Variants in POU6F2 observed in about 807,000 individuals in gnomAD.
POU6F2 encodes POU class 6 homeobox 2.
A neutral mutation model predicts 71.3 loss-of-function variants in POU6F2; 31 were observed. The ratio of observed to expected loss-of-function variants is 0.43; its 90% confidence interval spans 0.33 to 0.59. POU6F2 has a LOEUF of 0.59. Ranked by LOEUF, POU6F2 falls within the 20% of genes least tolerant of loss-of-function variation. The pLI is 0.04. For missense variants in POU6F2, 783 were observed against 856.8 expected (o/e 0.91, Z 1.07); for synonymous variants, 347 against 355.7 (o/e 0.98, Z 0.27).
chr7:39,202,545 C>G (rs1793925935), intron 2 of POU6F2, among the ~76,000 whole-genome samples: 2 of 152,248 alleles, frequency 1.3e-5, no homozygotes, highest in South Asian at 4.1e-4. Flanking sequence ...CTCATAAGCT[C>G]TTTGAAGTAC....
rs1789049477 is a variant in POU6F2 at position 39,465,475 on chromosome 7, G to A, written c.*789G>A. The A allele has an allele frequency of 1.3e-5, 2 of 152,172 alleles. No individual in the cohort carries two copies. Among genetic ancestry groups the A allele is most frequent in the Non-Finnish European group, 2.9e-5 (2 of 68,022 alleles). 9.4% of individuals were successfully genotyped at this position (152,172 alleles called of 1,614,324 possible). ...TTCTTTTTGACGGGAGGGCATCCTG[G>A]ATCGTGTGCCAAAGCATTTGTTGCT... On this transcript the variant is annotated 3_prime_UTR_variant, in exon 10 of 10. Transcript: ENST00000518318.
At chr7:39,388,508 G>T (rs1167170039) in intron 5 of POU6F2, among the ~76,000 whole-genome samples, 39 of 152,266 alleles carry the variant, frequency 2.6e-4, no homozygotes, top group Middle Eastern at 3.4e-3. Context: ...TAGAGACAGG[G>T]TTTCACCACG....
At chr7:39,362,902 C>T (rs1296718442) in intron 5 of POU6F2, among the ~76,000 whole-genome samples, 1 of 152,004 alleles carries the variant, frequency 6.6e-6, no homozygotes, top group Non-Finnish European at 1.5e-5. Context: ...CCAGGAAGCA[C>T]AAGAAAGGCC....
At chr7:39,017,810 A>ATG (rs1323369998) in intron 1 of POU6F2, among the ~76,000 whole-genome samples, 4 of 49,994 alleles carry the variant, frequency 8.0e-5, no homozygotes, top group African/African-American at 1.4e-4. Flanking sequence ...CAGATTGTGC[A>ATG]TGCGTGTGTG....
chr7:39,294,887 A>G (rs111838907), intron 4 of POU6F2, among the ~76,000 whole-genome samples: 42 of 152,290 alleles, frequency 2.8e-4, no homozygotes, highest in African/African-American at 9.4e-4. Context: ...AGCCCACAAC[A>G]TGAGAACATT....
intron 1 of POU6F2, among the ~76,000 whole-genome samples, chr7:38,988,673 C>T (rs372181732): frequency 7.2e-5 from 11 of 152,070 alleles, no homozygotes; most frequent in African/African-American, 1.9e-4. Context: ...TTAATCCTCA[C>T]GCCAGGTCTG....
intron 2 of POU6F2, among the ~76,000 whole-genome samples, chr7:39,201,530 G>A (rs947092437): frequency 6.6e-6 from 1 of 152,202 alleles, no homozygotes; most frequent in African/African-American, 2.4e-5. Flanking sequence ...AGCATAAAGT[G>A]ATGAACCAGC....
intron 1 of POU6F2, among the ~76,000 whole-genome samples, chr7:38,988,949 T>G (rs1011609516): frequency 2.6e-5 from 4 of 152,162 alleles, no homozygotes; most frequent in Non-Finnish European, 4.4e-5. Flanking sequence ...CCTCCTTCCT[T>G]TCCTCTTTTT....
At chr7:39,003,682 G>C (rs1788978654) in intron 1 of POU6F2, among the ~76,000 whole-genome samples, 1 of 151,636 alleles carries the variant, frequency 6.6e-6, no homozygotes. Context: ...CTGGGAGGCA[G>C]AGCTTGCAGT....
intron 4 of POU6F2, among the ~76,000 whole-genome samples, chr7:39,293,423 T>A (rs776452914): frequency 5.4e-4 from 83 of 152,344 alleles, no homozygotes; most frequent in Middle Eastern, 3.4e-3. Context: ...TGTAGTTATC[T>A]GCAGTCTATT....
intron 6 of POU6F2, among the ~76,000 whole-genome samples, chr7:39,424,559 A>G (rs139054258): frequency 7.3e-4 from 111 of 152,320 alleles, no homozygotes; most frequent in African/African-American, 2.5e-3. Flanking sequence ...CTGCCCACCA[A>G]TCACTCCAGG....
chr7:39,099,290 A>G (rs1791521385), intron 2 of POU6F2, among the ~76,000 whole-genome samples: 1 of 151,538 alleles, frequency 6.6e-6, no homozygotes, highest in South Asian at 2.1e-4. Context: ...GGGCGGCAGC[A>G]AATGCCTTTC....
chr7:39,111,444 C>G (rs544474215), intron 2 of POU6F2, among the ~76,000 whole-genome samples: 1 of 152,076 alleles, frequency 6.6e-6, no homozygotes, highest in Non-Finnish European at 1.5e-5. Flanking sequence ...AAAATATGAC[C>G]TTTTAGTTAT....
chr7:39,363,614 T>A (rs758467265), intron 5 of POU6F2, among the ~76,000 whole-genome samples: 2 of 149,320 alleles, frequency 1.3e-5, no homozygotes, highest in Non-Finnish European at 3.0e-5. Context: ...GCACCCCAAC[T>A]TTAAGGATTT....
chr7:39,279,827 A>T (rs763638576), intron 4 of POU6F2, among the ~76,000 whole-genome samples: 1 of 151,772 alleles, frequency 6.6e-6, no homozygotes, highest in Non-Finnish European at 1.5e-5. Flanking sequence ...GCTTCCTGCA[A>T]CCTCCACCTC....
intron 4 of POU6F2, among the ~76,000 whole-genome samples, chr7:39,238,891 G>A (rs938899266): frequency 5.9e-5 from 9 of 152,108 alleles, no homozygotes; most frequent in African/African-American, 1.4e-4. Context: ...ACACAGAAAC[G>A]TGGGACCAGC....
Position 39,464,749 on chromosome 7 carries a change from C to CACA in POU6F2, c.*80_*82dup. On this transcript the variant is annotated 3_prime_UTR_variant, in exon 10 of 10. Transcript: ENST00000518318. The surrounding 1 kb of genome is among the most constrained non-coding windows in gnomAD (Gnocchi z 4.1). ...AAACTAAACTCCACCCTTGGGACTCCACAACAACAACAACAACAAAATTTA... is the reference window on the plus strand; with the variant it reads ...AAACTAAACTCCACCCTTGGGACTCCACAACAACAACAACAACAACAAAATTTA... 8 of 1,461,346 alleles carry CACA rather than the reference C, an allele frequency of 5.5e-6. No individual in the cohort carries two copies. Among genetic ancestry groups the CACA allele is most frequent in the South Asian group, 1.3e-5 (1 of 75,078 alleles). 90.5% of individuals were successfully genotyped at this position (1,461,346 alleles called of 1,614,324 possible). A position where few individuals can be genotyped will look rare whatever the true frequency, so the allele number is the denominator to read the frequency against.
chr7:39,109,296 G>A (rs571969505), intron 2 of POU6F2, among the ~76,000 whole-genome samples: 2 of 152,214 alleles, frequency 1.3e-5, no homozygotes, highest in South Asian at 2.1e-4. Flanking sequence ...TCAGCCTCCC[G>A]AAGTGCTGGG....
At chr7:38,990,573 T>G (rs2116622573) in intron 1 of POU6F2, among the ~76,000 whole-genome samples, 1 of 152,268 alleles carries the variant, frequency 6.6e-6, no homozygotes, top group South Asian at 2.1e-4. Context: ...TTTGGTGAAA[T>G]AAATCAACAT....
Sources: gnomAD v4.1 joint callset for allele counts (sites outside exome capture counted in the v4.1 genomes callset) on GRCh38, gnomAD v4.1.1 for gene constraint, Gnocchi (gnomAD v3.1) non-coding constraint, MANE v1.5 for transcripts, NCBI Gene and HGNC (gene_info 2026-07-23, HGNC 2026-07-21) for gene names.